Variants in CSMD1 observed in about 807,000 individuals in gnomAD.
The protein encoded by CSMD1 is CUB and sushi domain-containing protein 1.
Under a neutral mutation model 417.5 loss-of-function variants are expected in CSMD1, and 213 were observed. The observed-to-expected ratio is 0.51, with a 90% CI of 0.46 to 0.57. CSMD1 has a LOEUF of 0.57. Ranked by LOEUF, CSMD1 falls within the 20% of genes least tolerant of loss-of-function variation. The pLI is 0.00. For missense variants in CSMD1, 6,923 were observed against 4,529.7 expected, an observed-to-expected ratio of 1.53 and a Z score of -15.17; for synonymous variants, 2,862 against 1,736.8, an observed-to-expected ratio of 1.65 and a Z score of -16.11.
At chr8:3,345,599 C>G (rs1563293974) in intron 22 of CSMD1, among the ~76,000 whole-genome samples, 1 of 152,122 alleles carries the variant, frequency 6.6e-6, no homozygotes, top group Admixed American at 6.5e-5. Context: ...TATATTTTTT[C>G]ACCTATAAGT....
At chr8:3,248,749 A>T (rs1034877519) in intron 26 of CSMD1, among the ~76,000 whole-genome samples, 1 of 151,808 alleles carries the variant, frequency 6.6e-6, no homozygotes, top group African/African-American at 2.4e-5. Context: ...GTTCTCTCCC[A>T]TCTCTGGGCC....
At chr8:4,095,970 T>C (rs1017864979) in intron 3 of CSMD1, among the ~76,000 whole-genome samples, 1 of 152,168 alleles carries the variant, frequency 6.6e-6, no homozygotes, top group African/African-American at 2.4e-5. Context: ...AAGGACAAAA[T>C]ATTTCTTAAC....
rs540952937 is a variant in CSMD1, at chr8:2,962,535, G to A, written c.9559C>T (p.Leu3187Phe). 2 of 1,613,796 alleles carry A rather than the reference G, an allele frequency of 1.2e-6. No homozygotes were observed. Among genetic ancestry groups the A allele is most frequent in the East Asian group, 2.2e-5 (1 of 44,872 alleles). Residue 3187 changes from leucine (L) to phenylalanine (F), a missense_variant, in exon 61 of 70, where the codon CTC becomes TTC. Coordinates refer to ENST00000635120, the MANE Select transcript of CSMD1 (RefSeq NM_033225.6). ...CAGACTCTTCTGGAGGATCCCACGA[G>A]TATAAATGGAGATTTGCACTGGAAG... is the stretch of plus-strand genomic sequence containing the variant. ...VFFQCKSPFI[L>F]VGSSRRVCQA...
chr8:3,773,926 A>C (rs1239452945), intron 5 of CSMD1, among the ~76,000 whole-genome samples: 1 of 152,142 alleles, frequency 6.6e-6, no homozygotes, highest in Non-Finnish European at 1.5e-5. Context: ...AGGTTGAGTA[A>C]TTTGCATGAC....
At chr8:4,470,538 A>T (rs1438962419) in intron 2 of CSMD1, among the ~76,000 whole-genome samples, 1 of 152,228 alleles carries the variant, frequency 6.6e-6, no homozygotes, top group Non-Finnish European at 1.5e-5. Context: ...ACTCAGACAA[A>T]AATGACATGC....
intron 7 of CSMD1, among the ~76,000 whole-genome samples, chr8:3,675,052 C>A (rs957581356): frequency 6.6e-6 from 1 of 152,168 alleles, no homozygotes; most frequent in Non-Finnish European, 1.5e-5. Context: ...TTAATATCCA[C>A]CTTTTGGAAA....
At chr8:4,735,514 C>T (rs1037653048) in intron 1 of CSMD1, among the ~76,000 whole-genome samples, 3 of 152,160 alleles carry the variant, frequency 2.0e-5, no homozygotes, top group Admixed American at 6.5e-5. Context: ...ATGCAACTTA[C>T]ATTAAAGGTC....
At chr8:3,304,322 C>A (rs535949953) in intron 25 of CSMD1, among the ~76,000 whole-genome samples, 1 of 151,994 alleles carries the variant, frequency 6.6e-6, no homozygotes, top group South Asian at 2.1e-4. Flanking sequence ...ACTTAGTAAC[C>A]ATGCAAGCTA....
chr8:3,311,779 T>A (rs1431881293), intron 23 of CSMD1, among the ~76,000 whole-genome samples: 1 of 149,932 alleles, frequency 6.7e-6, no homozygotes, highest in Non-Finnish European at 1.5e-5. Flanking sequence ...TACAGAAGCG[T>A]TTATCAATCA....
rs375000222 is a variant in CSMD1 at position 3,314,908 on chromosome 8, TGTGA to T, written c.3632-6409_3632-6406del. 2.0e-5 allele frequency among the ~76,000 whole-genome samples: 3 copies of T among 152,240 alleles called. No individual in the cohort carries two copies. The East Asian group carries it at 5.8e-4, about 29-fold the overall frequency. ...AGGCTGAACAACGAGCTCACAGTAA[TGTGA>T]GTTTTTTCAGCTTCTATCTGAGCAA... On this transcript the variant is annotated intron_variant, in intron 23 of 69. Coordinates refer to ENST00000635120, the MANE Select transcript of CSMD1 (RefSeq NM_033225.6).
At chr8:3,031,685 G>A (rs1417912861) in intron 50 of CSMD1, among the ~76,000 whole-genome samples, 8 of 151,766 alleles carry the variant, frequency 5.3e-5, no homozygotes, top group South Asian at 2.1e-4. Flanking sequence ...GGTATGAGCC[G>A]CTGCACCCAG....
At chr8:3,441,900 A>G (rs1256469609) in intron 12 of CSMD1, among the ~76,000 whole-genome samples, 1 of 152,162 alleles carries the variant, frequency 6.6e-6, no homozygotes, top group Non-Finnish European at 1.5e-5. Flanking sequence ...GGTATCCAGA[A>G]GAAGGCATTG....
Position 3,647,932 on chromosome 8 carries a change from A to G in CSMD1, c.1010-31135T>C, listed in dbSNP as rs188408248. 4.6e-4 allele frequency among the ~76,000 whole-genome samples: 70 copies of G among 152,354 alleles called. 2 individuals carry two copies. In the East Asian group the frequency reaches 0.013, roughly 28 times the overall value. On this transcript the variant is annotated intron_variant, in intron 7 of 69. Transcript: ENST00000635120. ...AATTACTCTGTTTGTTTTGTTTGTA[A>G]GAGACATGTGCCACTTCATAAAGCA...
chr8:4,926,454 T>C (rs1008304970), intron 1 of CSMD1, among the ~76,000 whole-genome samples: 1 of 152,222 alleles, frequency 6.6e-6, no homozygotes, highest in African/African-American at 2.4e-5. Context: ...TTGCATCTAC[T>C]AGAAGCTTTG....
At chr8:4,203,964 G>A (rs955944338) in intron 3 of CSMD1, among the ~76,000 whole-genome samples, 1 of 151,996 alleles carries the variant, frequency 6.6e-6, no homozygotes, top group Non-Finnish European at 1.5e-5. Context: ...AGCCAGGTGT[G>A]GTGGTGCACG....
chr8:4,181,547 T>G (rs888060764), intron 3 of CSMD1, among the ~76,000 whole-genome samples: 1 of 152,106 alleles, frequency 6.6e-6, no homozygotes, highest in East Asian at 1.9e-4. Flanking sequence ...GTTTATGAAT[T>G]TGTGTTTGGC....
intron 3 of CSMD1, among the ~76,000 whole-genome samples, chr8:4,168,520 A>G (rs1043593570): frequency 6.6e-6 from 1 of 152,142 alleles, no homozygotes; most frequent in Admixed American, 6.5e-5. Context: ...CTAGATTAAA[A>G]TAAGTTACAG....
chr8:3,643,837 T>G (rs1241219167), intron 7 of CSMD1, among the ~76,000 whole-genome samples: 1 of 152,032 alleles, frequency 6.6e-6, no homozygotes, highest in Non-Finnish European at 1.5e-5. Flanking sequence ...TTAATTAAGC[T>G]ACCTATTATG....
chr8:3,936,870 A>G (rs1271812251), intron 5 of CSMD1, among the ~76,000 whole-genome samples: 1 of 152,208 alleles, frequency 6.6e-6, no homozygotes, highest in Non-Finnish European at 1.5e-5. Context: ...TAGACAAGGT[A>G]AAACAAAACC....
Sources: gnomAD v4.1 joint callset for allele counts (sites outside exome capture counted in the v4.1 genomes callset) on GRCh38, gnomAD v4.1.1 for gene constraint, MANE v1.5 for transcripts, NCBI Gene and HGNC (gene_info 2026-07-23, HGNC 2026-07-21) for gene names.